ALOX15: variants seen among roughly 807,000 people sequenced by gnomAD.
The protein encoded by ALOX15 is polyunsaturated fatty acid lipoxygenase ALOX15.
Under a neutral mutation model 71.7 loss-of-function variants are expected in ALOX15, and 68 were observed. The ratio of observed to expected loss-of-function variants is 0.95; its 90% CI spans 0.78 to 1.16. The LOEUF is 1.16. Among genes scored for constraint, ALOX15 ranks in the 50% most tolerant of loss-of-function variants. The pLI is 0.00. For synonymous variants in ALOX15, 346 were observed against 333.3 expected (o/e 1.04, Z -0.42); for missense variants, 798 against 818.8 (o/e 0.97, Z 0.31).
intron 9 of ALOX15, 32 bp from the exon 10 acceptor site, chr17:4,633,347 A>G: frequency 6.2e-7 from 1 of 1,611,264 alleles, no homozygotes; most frequent in Non-Finnish European, 8.5e-7. Context: ...GGTCAGGCGA[A>G]TCGACCTGCC....
At chr17:4,635,342 G>A (rs912256828) in intron 8 of ALOX15, among the ~76,000 whole-genome samples, 14 of 151,492 alleles carry the variant, frequency 9.2e-5, no homozygotes, top group African/African-American at 2.9e-4. Flanking sequence ...GCTGAAGTGG[G>A]AGAATTGCTT....
intron 7 of ALOX15, among the ~76,000 whole-genome samples, chr17:4,636,496 A>G (rs1266776828): frequency 6.6e-6 from 1 of 151,556 alleles, no homozygotes; most frequent in Admixed American, 6.6e-5. Flanking sequence ...CTCCCTCTGC[A>G]CTCGCATCCA....
At chr17:4,632,781 G>A (rs1910958148) in intron 11 of ALOX15, 80 bp downstream of exon 11, 3 of 1,596,256 alleles carry the variant, frequency 1.9e-6, no homozygotes, top group Non-Finnish European at 2.6e-6. Context: ...GCTTCTGGGA[G>A]ATTTCACAGA....
At chr17:4,636,917 GC>G (rs1911119147) in intron 7 of ALOX15, among the ~76,000 whole-genome samples, 197 bp downstream of exon 7, 1 of 152,126 alleles carries the variant, frequency 6.6e-6, no homozygotes, top group Non-Finnish European at 1.5e-5. Context: ...CAGTCCTGGA[GC>G]TTCTGCAGAC....
intron 2 of ALOX15, 96 bp from the exon 3 acceptor site, chr17:4,639,228 C>T: frequency 6.7e-7 from 1 of 1,494,756 alleles, no homozygotes; most frequent in South Asian, 1.1e-5. Flanking sequence ...TTCTGTGTGG[C>T]CTCTGCCCCT....
Position 4,633,474 on chromosome 17 carries a change from G to A in ALOX15, c.1188C>T (p.Thr396=), listed in dbSNP as rs1910988328. The change falls in exon 9 of 14, where the codon ACC becomes ACT. Residue 396 remains threonine (T), a synonymous_variant. Transcript: ENST00000293761. ...FKLIIPHLRY[T]LEINVRARTG... is the part of the protein sequence containing the mutation. ...TCCTGGCCCGGACGTTAATTTCCAG[G>A]GTGTATCGCAGGTGGGGAATTATAA... 6.2e-7 allele frequency: 1 copy of A among 1,614,106 alleles called. No individual in the cohort carries two copies.
intron 6 of ALOX15, 150 bp downstream of exon 6, chr17:4,638,067 C>T (rs1775814187): frequency 3.2e-6 from 2 of 629,696 alleles, no homozygotes; most frequent in Admixed American, 6.0e-5. Context: ...AGCAGCTGAG[C>T]TTCTCCAGGG....
chr17:4,636,117 TC>T, intron 7 of ALOX15, 149 bp from the exon 8 acceptor site: 1 of 829,104 alleles, frequency 1.2e-6, no homozygotes, highest in Non-Finnish European at 1.9e-6. Flanking sequence ...GGCTCCCGTT[TC>T]CTCCCCTCCC....
At chr17:4,640,640 TC>T (rs1286147726) in intron 1 of ALOX15, among the ~76,000 whole-genome samples, 55,989 of 118,614 alleles carry the variant, frequency 0.47, 11,509 homozygotes, top group East Asian at 0.53. Context: ...TTTTCTCTCT[TC>T]CTGGCTCCCT....
intron 8 of ALOX15, among the ~76,000 whole-genome samples, chr17:4,634,754 G>A (rs995630002): frequency 2.7e-5 from 4 of 150,210 alleles, no homozygotes; most frequent in South Asian, 2.1e-4. Flanking sequence ...CGAGGTGGGC[G>A]GATCACCTGA....
At chr17:4,637,279 A>C (rs752988609) in intron 6 of ALOX15, 21 bp from the exon 7 acceptor site, 3 of 1,596,550 alleles carry the variant, frequency 1.9e-6, no homozygotes. Context: ...GAAGAGGTCA[A>C]GGGCTGCTAT....
chr17:4,632,998 G>A lies in ALOX15; in HGVS notation c.1419-16C>T. 6.2e-7 allele frequency: 1 copy of A among 1,614,098 alleles called. No homozygotes were observed. Among genetic ancestry groups the A allele is most frequent in the Non-Finnish European group, 8.5e-7 (1 of 1,180,004 alleles). ...TTCCACATACCTACCAACCAACGGAGCAGGGCCAGGGAGCTGAAGCCAGCT... is the reference window on the plus strand; with the variant it reads ...TTCCACATACCTACCAACCAACGGAACAGGGCCAGGGAGCTGAAGCCAGCT... On this transcript the variant is annotated splice_polypyrimidine_tract_variant and intron_variant, in intron 10 of 13. Coordinates refer to ENST00000293761, the MANE Select transcript of ALOX15 (RefSeq NM_001140.5).
Position 4,638,647 on chromosome 17 carries a change from G to A in ALOX15, c.580C>T (p.Leu194=). Residue 194 remains leucine (L), a synonymous_variant, in exon 5 of 14, where the codon CTG becomes TTG. Transcript: ENST00000293761. ...DLAIKDSLNV[L]TCWKDLDDFN... ...TCATCTAGATCCTTCCAGCAAGTCA[G>A]AACATTTAGAGAGTCTTTGATAGCG... 6.2e-7 allele frequency: 1 copy of A among 1,614,226 alleles called. No homozygotes were observed. Among genetic ancestry groups the A allele is most frequent in the Non-Finnish European group, 8.5e-7 (1 of 1,180,042 alleles).
rs1911224975 is a variant in ALOX15 at position 4,639,128 on chromosome 17, G to A, written c.342C>T (p.Arg114=). 1.2e-6 allele frequency: 2 copies of A among 1,614,142 alleles called. No homozygotes were observed. Among genetic ancestry groups the A allele is most frequent in the East Asian group, 2.2e-5 (1 of 44,882 alleles). Residue 114 remains arginine, a synonymous_variant, in exon 3 of 14, where the codon CGC becomes CGT. Coordinates refer to ENST00000293761, the MANE Select transcript of ALOX15 (RefSeq NM_001140.5). Reference sequence around the variant, plus strand: ...GGCCCTGAGGGTCCTCGCCCACAGTGCGGCCTAGAAGGACAGAGGAGGACT... The same window carrying A: ...GGCCCTGAGGGTCCTCGCCCACAGTACGGCCTAGAAGGACAGAGGAGGACT... ...GVLSLPEGTG[R]TVGEDPQGLF...
chr17:4,631,909 C>A lies in ALOX15; in HGVS notation c.1789G>T (p.Gly597Cys). 6.2e-7 allele frequency: 1 copy of A among 1,612,720 alleles called. No homozygotes were observed. The highest frequency in any genetic ancestry group is 8.5e-7 in the Non-Finnish European group (1 of 1,179,208). The part of the protein sequence containing the change: ...SLQMSITWQL[G>C]RRQPVMVAVG... ...CTCACCATAACGGGCTGGCGTCTGC[C>A]CAGCTGCCAAGTGATGGACATCTGG... Residue 597 changes from glycine (G) to cysteine (C), a missense_variant, in exon 13 of 14, where the codon GGC becomes TGC. Transcript: ENST00000293761.
In ALOX15 at chr17:4,632,183, G is replaced by A; in HGVS notation, c.1639C>T (p.Gln547Ter). The change falls in exon 12 of 14, where the codon CAG becomes TAG. Residue 547 changes from glutamine (Q) to a stop codon, truncating the protein, a stop_gained and splice_region_variant. Coordinates refer to ENST00000293761, the MANE Select transcript of ALOX15 (RefSeq NM_001140.5). LOFTEE classifies it high-confidence loss of function. ...AGCTGCCCATCTCTGGTAAGTACCT[G>A]GCCCAGGTGCACAGAGGCGTGTTGG... Reference protein sequence around the residue: ...TGQHASVHLGQLDWYSWVPNA... With the variant: ...TGQHASVHLG 4 of 1,614,180 alleles carry A rather than the reference G, an allele frequency of 2.5e-6. No homozygotes were observed. Among genetic ancestry groups the A allele is most frequent in the Non-Finnish European group, 3.4e-6 (4 of 1,180,026 alleles).
At chr17:4,636,968 G>A (rs746364317) in intron 7 of ALOX15, 147 bp downstream of exon 7, 17 of 989,962 alleles carry the variant, frequency 1.7e-5, no homozygotes, top group South Asian at 5.1e-5. Context: ...CAAGGCCTTC[G>A]AATAGAGACT....
chr17:4,638,375 G>T lies in ALOX15; in HGVS notation c.649C>A (p.Arg217Ser). Reference protein sequence around the residue: ...FWCGQSKLAERVRDSWKEDAL... With the variant: ...FWCGQSKLAESVRDSWKEDAL... ...TCTTCCTTCCAGGAGTCCCGCACGCGCTCTGGGGAAGGCAGTTGTTGAGCA... is the reference window on the plus strand; with the variant it reads ...TCTTCCTTCCAGGAGTCCCGCACGCTCTCTGGGGAAGGCAGTTGTTGAGCA... The change falls in exon 6 of 14, where the codon CGC (arginine) becomes AGC (serine). Residue 217 changes from arginine (R) to serine (S), a missense_variant and splice_region_variant. Physicochemically the swap from Arg to Ser is moderately radical, Grantham distance 110 (BLOSUM62 -1). This residue lies in a region of ALOX15 where 300 missense variants were observed against 283.1 expected (regional missense o/e 1.06). Transcript: ENST00000293761. The T allele has an allele frequency of 2.1e-6, 2 of 933,912 alleles. No individual in the cohort carries two copies. 57.9% of individuals were successfully genotyped at this position (933,912 alleles called of 1,614,324 possible).
At chr17:4,637,436 T>C (rs1911136777) in intron 6 of ALOX15, among the ~76,000 whole-genome samples, 178 bp from the exon 7 acceptor site, 2 of 152,084 alleles carry the variant, frequency 1.3e-5, no homozygotes, top group Admixed American at 1.3e-4. Flanking sequence ...GGTCTTACCG[T>C]GCTGCCCAGG....
Sources: gnomAD v4.1 joint callset for allele counts (sites outside exome capture counted in the v4.1 genomes callset) on GRCh38, gnomAD v4.1.1 for gene constraint, gnomAD v4.1.1 regional missense constraint, MANE v1.5 for transcripts, NCBI Gene and HGNC (gene_info 2026-07-23, HGNC 2026-07-21) for gene names.